CPNE8: variants seen among roughly 807,000 people sequenced by gnomAD.
The protein encoded by CPNE8 is copine-8.
CPNE8 carries 45 observed loss-of-function variants against 81.5 expected under a neutral mutation model. The ratio of observed to expected loss-of-function variants is 0.55; its 90% confidence interval spans 0.44 to 0.71. The LOEUF (loss-of-function observed/expected upper bound fraction) is 0.71. Among genes scored for constraint, CPNE8 ranks in the 30% least tolerant of loss-of-function variants. The probability of loss-of-function intolerance (pLI) is 0.00; values close to 1 mark genes in which losing one functional copy is unlikely to be tolerated. For synonymous variants in CPNE8, 252 were observed against 226.3 expected, an observed-to-expected ratio of 1.11 and a Z score of -1.02; for missense variants, 594 against 672.1, an observed-to-expected ratio of 0.88 and a Z score of 1.28.
intron 12 of CPNE8, 34 bp from the exon 13 acceptor site, chr12:38,723,867 T>C: frequency 7.9e-7 from 1 of 1,258,612 alleles, no homozygotes; most frequent in African/African-American, 1.5e-5. Context: ...ACCTTCTAGT[T>C]GTTTGTGACC....
At chr12:38,691,916 A>G (rs1939683515) in intron 15 of CPNE8, among the ~76,000 whole-genome samples, 1 of 152,192 alleles carries the variant, frequency 6.6e-6, no homozygotes, top group African/African-American at 2.4e-5. Context: ...TAATACTATT[A>G]CATTAGCAGC....
At chr12:38,848,487 G>T in intron 4 of CPNE8, 72 bp downstream of exon 4, 2 of 1,468,364 alleles carry the variant, frequency 1.4e-6, no homozygotes, top group South Asian at 2.9e-5. Flanking sequence ...GCAACCATAG[G>T]ACCCTGCCTT....
At chr12:38,780,971 G>A (rs923421444) in intron 6 of CPNE8, among the ~76,000 whole-genome samples, 2 of 151,864 alleles carry the variant, frequency 1.3e-5, no homozygotes, top group African/African-American at 4.8e-5. Flanking sequence ...TGACACTAAT[G>A]TTAAAAACTA....
At position 38,743,644 on chromosome 12, in the gene CPNE8, G is replaced by A. The variant is rs1438309550; in HGVS notation, c.723-13286C>T. ...AAAAATTATGAGTATCTAAAACTAC[G>A]TGCATAAGCAGGCTGGAACTAAGAA... On this transcript the variant is annotated intron_variant, in intron 10 of 19. Transcript: ENST00000331366. Among the ~76,000 whole-genome samples, 5 of 151,954 alleles carry A rather than the reference G, an allele frequency of 3.3e-5. No individual in the cohort carries two copies. The East Asian group carries it at 5.8e-4, about 18-fold the overall frequency.
chr12:38,767,584 T>G (rs1592071928), intron 8 of CPNE8, 51 bp downstream of exon 8: 1 of 1,056,074 alleles, frequency 9.5e-7, no homozygotes. Flanking sequence ...ATAATTATAA[T>G]TCAAGTATCA....
At chr12:38,872,899 G>C (rs536153253) in intron 3 of CPNE8, 105 bp downstream of exon 3, 5 of 698,038 alleles carry the variant, frequency 7.2e-6, no homozygotes, top group African/African-American at 1.9e-5. Context: ...CAATCTTTGG[G>C]TTCAAAAGGA....
chr12:38,718,801 G>C (rs974373570), intron 13 of CPNE8, among the ~76,000 whole-genome samples: 2 of 152,022 alleles, frequency 1.3e-5, no homozygotes, highest in African/African-American at 2.4e-5. Flanking sequence ...AATAAAAAAT[G>C]TATGTCACTA....
chr12:38,703,172 G>C (rs1310869232), intron 13 of CPNE8, among the ~76,000 whole-genome samples: 1 of 152,078 alleles, frequency 6.6e-6, no homozygotes, highest in Non-Finnish European at 1.5e-5. Flanking sequence ...AATAAAAGTA[G>C]TTCCTATTTT....
chr12:38,803,437 G>A (rs1035678132), intron 6 of CPNE8, among the ~76,000 whole-genome samples: 1 of 150,180 alleles, frequency 6.7e-6, no homozygotes, highest in Non-Finnish European at 1.5e-5. Context: ...TGCAGAAAAA[G>A]CCTTTGACAA....
At chr12:38,690,866 A>C (rs1939658705) in intron 15 of CPNE8, among the ~76,000 whole-genome samples, 1 of 152,208 alleles carries the variant, frequency 6.6e-6, no homozygotes, top group Admixed American at 6.5e-5. Flanking sequence ...TGGTTTTATA[A>C]GTTTCTGGGA....
intron 6 of CPNE8, among the ~76,000 whole-genome samples, chr12:38,826,113 G>A (rs1469185151): frequency 6.6e-6 from 1 of 152,036 alleles, no homozygotes; most frequent in Non-Finnish European, 1.5e-5. Context: ...TACCCACTTA[G>A]TACTAAAACT....
intron 1 of CPNE8, among the ~76,000 whole-genome samples, chr12:38,877,770 T>C (rs1425319673): frequency 2.0e-5 from 3 of 152,170 alleles, no homozygotes; most frequent in African/African-American, 4.8e-5. Flanking sequence ...AATTTAATTC[T>C]AACCTGTAGG....
chr12:38,856,940 T>G (rs1943748014), intron 3 of CPNE8, among the ~76,000 whole-genome samples: 1 of 152,070 alleles, frequency 6.6e-6, no homozygotes, highest in South Asian at 2.1e-4. Context: ...GGTTTCTAAC[T>G]GCACTATACT....
intron 17 of CPNE8, among the ~76,000 whole-genome samples, chr12:38,676,969 T>C (rs1382454010): frequency 6.8e-6 from 1 of 146,384 alleles, no homozygotes; most frequent in Non-Finnish European, 1.5e-5. Flanking sequence ...ATAGATTTTA[T>C]AGATTAGTAA....
intron 6 of CPNE8, among the ~76,000 whole-genome samples, chr12:38,828,784 A>G (rs1013065790): frequency 6.6e-5 from 10 of 152,176 alleles, no homozygotes; most frequent in African/African-American, 2.4e-4. Flanking sequence ...AAAGGAGAAT[A>G]AAGCCATGAA....
intron 14 of CPNE8, among the ~76,000 whole-genome samples, chr12:38,697,954 C>A (rs1939837363): frequency 6.6e-6 from 1 of 152,162 alleles, no homozygotes; most frequent in African/African-American, 2.4e-5. Context: ...GCTAAATAAA[C>A]CTACTTTCTT....
At chr12:38,665,208 C>T (rs1939038141) in intron 19 of CPNE8, among the ~76,000 whole-genome samples, 1 of 152,166 alleles carries the variant, frequency 6.6e-6, no homozygotes, top group South Asian at 2.1e-4. Context: ...CTCTATTAGT[C>T]TCTCATTTCT....
At chr12:38,854,447 A>G (rs1445075459) in intron 3 of CPNE8, among the ~76,000 whole-genome samples, 1 of 120,078 alleles carries the variant, frequency 8.3e-6, no homozygotes, top group African/African-American at 4.2e-5. Context: ...CCCTGATACC[A>G]AAGCCAGACA....
intron 7 of CPNE8, among the ~76,000 whole-genome samples, chr12:38,771,421 G>C (rs944136785): frequency 1.3e-5 from 2 of 151,862 alleles, no homozygotes; most frequent in Non-Finnish European, 2.9e-5. Context: ...AGCCAAAATT[G>C]TGCCACTGCA....
Sources: allele counts gnomAD v4.1 joint callset (sites outside exome capture counted in the v4.1 genomes callset), GRCh38; gene constraint gnomAD v4.1.1; transcripts MANE v1.5; gene names NCBI Gene and HGNC (gene_info 2026-07-23, HGNC 2026-07-21).